TPMT: variants seen among roughly 807,000 people sequenced by gnomAD.
TPMT encodes thiopurine S-methyltransferase.
In TPMT, 18 loss-of-function variants were observed where a neutral mutation model predicts 34.2. The observed-to-expected ratio is 0.53, with a 90% CI of 0.36 to 0.78. The LOEUF is 0.78. Among genes scored for constraint, TPMT ranks in the 30% least tolerant of loss-of-function variants. The pLI is 0.00. For synonymous variants in TPMT, 69 were observed against 92.4 expected (o/e 0.75, Z 1.45); for missense variants, 265 against 288.1 (o/e 0.92, Z 0.58).
Position 18,143,502 on chromosome 6 carries a change from C to T in TPMT, c.366+94G>A, listed in dbSNP as rs1296321656. The stretch of plus-strand genomic sequence containing the variant: ...GTGAATCTGCGTGCTAAATAGGAAC[C>T]ATCGGACACATGAATGGTATCCTCA... On this transcript the variant is annotated intron_variant, in intron 4 of 8. Coordinates refer to ENST00000309983, the MANE Select transcript of TPMT (RefSeq NM_000367.5). The surrounding 1 kb of genome is among the most constrained non-coding windows in gnomAD (Gnocchi z 6.1). 8 of 1,519,098 alleles carry T rather than the reference C, an allele frequency of 5.3e-6. No individual in the cohort carries two copies. In the South Asian group the frequency reaches 7.9e-5, roughly 15 times the overall value. The allele number at this position is 1,519,098 out of a possible 1,614,324, so 94.1% of individuals were successfully genotyped here. A position where few individuals can be genotyped will look rare whatever the true frequency, so the allele number is the denominator to read the frequency against.
rs910711788 is a variant in TPMT, at chr6:18,143,987, G to T, written c.234-259C>A. 3.9e-5 allele frequency among the ~76,000 whole-genome samples: 6 copies of T among 152,150 alleles called. No homozygotes were observed. Among genetic ancestry groups the T allele is most frequent in the African/African-American group, 1.4e-4 (6 of 41,434 alleles). The stretch of plus-strand genomic sequence containing the variant: ...TATATCTTTTTTTATGTATGAAACA[G>T]TTGGAATGTAATTATAGATATATAA... On this transcript the variant is annotated intron_variant, in intron 3 of 8. Transcript: ENST00000309983. The surrounding 1 kb of genome is among the most constrained non-coding windows in gnomAD (Gnocchi z 6.1).
rs543107553 is a variant in TPMT, at chr6:18,136,914, C to T, written c.494+2049G>A. On this transcript the variant is annotated intron_variant, in intron 6 of 8. Coordinates refer to ENST00000309983, the MANE Select transcript of TPMT (RefSeq NM_000367.5). The surrounding 1 kb of genome is among the most constrained non-coding windows in gnomAD (Gnocchi z 4.7). ...GAGCATAAGGCTGAGGATGGTGGTC[C>T]CTTGGGGAATCACGACTTTTAGGCA... Among the ~76,000 whole-genome samples, 8 of 152,000 alleles carry T rather than the reference C, an allele frequency of 5.3e-5. No individual in the cohort carries two copies. Among genetic ancestry groups the T allele is most frequent in the African/African-American group, 1.9e-4 (8 of 41,446 alleles).
rs917134781 is a variant in TPMT, at chr6:18,136,946, GA to G, written c.494+2016del. Among the ~76,000 whole-genome samples, 1 of 152,188 alleles carries G rather than the reference GA, an allele frequency of 6.6e-6. No homozygotes were observed. Among genetic ancestry groups the G allele is most frequent in the Non-Finnish European group, 1.5e-5 (1 of 68,046 alleles). ...GAATCACGACTTTTAGGCATGCAAGGAGGATGGGAGTTCTGGAAAAGAGATA... is the reference window on the plus strand; with the variant it reads ...GAATCACGACTTTTAGGCATGCAAGGGGATGGGAGTTCTGGAAAAGAGATA... On this transcript the variant is annotated intron_variant, in intron 6 of 8. Coordinates refer to ENST00000309983, the MANE Select transcript of TPMT (RefSeq NM_000367.5). This position sits in a 1 kb window ranked among gnomAD's most constrained non-coding sequence, Gnocchi z 4.7.
rs530958085 is a variant in TPMT at position 18,130,577 on chromosome 6, T to A, written c.*91A>T. 6 of 876,112 alleles carry A rather than the reference T, an allele frequency of 6.8e-6. No homozygotes were observed. In the East Asian group the frequency reaches 1.0e-4, roughly 15 times the overall value. The allele number at this position is 876,112 out of a possible 1,614,324, so 54.3% of individuals were successfully genotyped here. A position where few individuals can be genotyped will look rare whatever the true frequency, so the allele number is the denominator to read the frequency against. ...CTATCATATGATTTATAAACAATTT[T>A]AAAAATTCATCCATTACATTTTCAG... On this transcript the variant is annotated 3_prime_UTR_variant, in exon 9 of 9. Coordinates refer to ENST00000309983, the MANE Select transcript of TPMT (RefSeq NM_000367.5). The surrounding 1 kb of genome is among the most constrained non-coding windows in gnomAD (Gnocchi z 4.2).
rs1236480489 is a variant in TPMT, at chr6:18,145,686, A to T, written c.234-1958T>A. Among the ~76,000 whole-genome samples, 18 of 152,260 alleles carry T rather than the reference A, an allele frequency of 1.2e-4. No individual in the cohort carries two copies. The highest frequency in any genetic ancestry group is 1.2e-3 in the Admixed American group (18 of 15,288). On this transcript the variant is annotated intron_variant, in intron 3 of 8. Transcript: ENST00000309983. The surrounding 1 kb of genome is among the most constrained non-coding windows in gnomAD (Gnocchi z 5.6). ...TATTTCTTAGGATATCTGTAAACAT[A>T]CAGGGAGTTTAAAAATTCTCCCTAC...
At position 18,132,121 on chromosome 6, in the gene TPMT, C is replaced by CCACA. The variant is rs756889226; in HGVS notation, c.625+8_625+11dup. ...TTGTTTAAAAAGTTACAGCATAAGT[C>CCACA]CACAAACTTACCAAACAACCTTTCA... On this transcript the variant is annotated intron_variant, in intron 8 of 8. Transcript: ENST00000309983. This position sits in a 1 kb window ranked among gnomAD's most constrained non-coding sequence, Gnocchi z 4.8. 5.6e-6 allele frequency: 9 copies of CCACA among 1,613,900 alleles called. No individual in the cohort carries two copies. The South Asian group carries it at 9.9e-5, about 18-fold the overall frequency.
chr6:18,139,538 A>C lies in TPMT; in HGVS notation c.419+127T>G. 1.3e-6 allele frequency: 1 copy of C among 795,934 alleles called. No homozygotes were observed. The allele number at this position is 795,934 out of a possible 1,614,324, so 49.3% of individuals were successfully genotyped here. A position where few individuals can be genotyped will look rare whatever the true frequency, so the allele number is the denominator to read the frequency against. ...TAATAAAAATATCTGCAGAACAGAC[A>C]TTCAAAAAAATGCTTTGTGGATGTT... On this transcript the variant is annotated intron_variant, in intron 5 of 8. Transcript: ENST00000309983. The surrounding 1 kb of genome is among the most constrained non-coding windows in gnomAD (Gnocchi z 4.2).
In TPMT at chr6:18,155,003, C is replaced by T. The variant is rs1433620003; in HGVS notation, c.-45+30G>A. The T allele has an allele frequency of 6.6e-6, 1 of 152,514 alleles. No individual in the cohort carries two copies. The highest frequency in any genetic ancestry group is 2.4e-5 in the African/African-American group (1 of 41,460). 9.4% of individuals were successfully genotyped at this position (152,514 alleles called of 1,614,324 possible). A position where few individuals can be genotyped will look rare whatever the true frequency, so the allele number is the denominator to read the frequency against. ...TCCTAGCAAATCGTTCCCTTTCTCA[C>T]CCGCACCCTCCGCGCCCGAGTGAGC... On this transcript the variant is annotated intron_variant, in intron 1 of 8. Transcript: ENST00000309983. This position sits in a 1 kb window ranked among gnomAD's most constrained non-coding sequence, Gnocchi z 6.2.
chr6:18,149,086 C>T lies in TPMT; in HGVS notation c.42G>A (p.Ser14=), dbSNP rs111674665. The part of the protein sequence containing the change: ...TRTSLDIEEY[S]DTEVQKNQVL... ...CTTGGTTTTTCTGTACCTCAGTATCCGAGTACTCTTCAATGTCAAGTGAAG... is the reference window on the plus strand; with the variant it reads ...CTTGGTTTTTCTGTACCTCAGTATCTGAGTACTCTTCAATGTCAAGTGAAG... The change falls in exon 2 of 9, where the codon TCG becomes TCA. Residue 14 remains serine, a synonymous_variant. Transcript: ENST00000309983. This position sits in a 1 kb window ranked among gnomAD's most constrained non-coding sequence, Gnocchi z 5.0. The T allele has an allele frequency of 3.5e-5, 57 of 1,614,030 alleles. No homozygotes were observed. In the African/African-American group the frequency reaches 4.1e-4, roughly 12 times the overall value.
rs1418028005 is a variant in TPMT, at chr6:18,149,762, G to A, written c.-44-591C>T. Among the ~76,000 whole-genome samples, 3 of 152,130 alleles carry A rather than the reference G, an allele frequency of 2.0e-5. No individual in the cohort carries two copies. The highest frequency in any genetic ancestry group is 7.2e-5 in the African/African-American group (3 of 41,426). The stretch of plus-strand genomic sequence containing the variant: ...TTACAAGTGTGAGTCACTGCACCTT[G>A]CCATTTCAACATCCAATAAGAAGTG... On this transcript the variant is annotated intron_variant, in intron 1 of 8. Coordinates refer to ENST00000309983, the MANE Select transcript of TPMT (RefSeq NM_000367.5). The surrounding 1 kb of genome is among the most constrained non-coding windows in gnomAD (Gnocchi z 5.0).
rs189810658 is a variant in TPMT at position 18,128,903 on chromosome 6, G to C, written c.*1765C>G. ...CCTGGCTAATTTTTTTGTATTTTTAGTAGAGACGGGGTTGCTTTTCTATTC... is the reference window on the plus strand; with the variant it reads ...CCTGGCTAATTTTTTTGTATTTTTACTAGAGACGGGGTTGCTTTTCTATTC... On this transcript the variant is annotated 3_prime_UTR_variant, in exon 9 of 9. Coordinates refer to ENST00000309983, the MANE Select transcript of TPMT (RefSeq NM_000367.5). This position sits in a 1 kb window ranked among gnomAD's most constrained non-coding sequence, Gnocchi z 4.6. 1 of 152,346 alleles carries C rather than the reference G, an allele frequency of 6.6e-6. No individual in the cohort carries two copies. The highest frequency in any genetic ancestry group is 1.9e-4 in the East Asian group (1 of 5,170). 9.4% of individuals were successfully genotyped at this position (152,346 alleles called of 1,614,324 possible). A position where few individuals can be genotyped will look rare whatever the true frequency, so the allele number is the denominator to read the frequency against.
In TPMT at chr6:18,154,616, T is replaced by C. The variant is rs1409871498; in HGVS notation, c.-45+417A>G. Among the ~76,000 whole-genome samples the C allele has an allele frequency of 6.6e-6, 1 of 151,764 alleles. No individual in the cohort carries two copies. Among genetic ancestry groups the C allele is most frequent in the African/African-American group, 2.4e-5 (1 of 41,276 alleles). ...AGAGTCCGTTTCTATAAAAAAAAAT[T>C]TGAAAAATTAGCCAAGCGTGGTGCA... On this transcript the variant is annotated intron_variant, in intron 1 of 8. Coordinates refer to ENST00000309983, the MANE Select transcript of TPMT (RefSeq NM_000367.5). The surrounding 1 kb of genome is among the most constrained non-coding windows in gnomAD (Gnocchi z 4.2).
At chr6:18,133,703 T>C (rs185384302) in intron 7 of TPMT, 101 bp downstream of exon 7, 7 of 876,036 alleles carry the variant, frequency 8.0e-6, no homozygotes, top group Middle Eastern at 2.2e-4. Context: ...ATGCTTCCTA[T>C]GAGATAAATT....
At position 18,145,514 on chromosome 6, in the gene TPMT, A is replaced by G. The variant is rs1784232693; in HGVS notation, c.234-1786T>C. On this transcript the variant is annotated intron_variant, in intron 3 of 8. Transcript: ENST00000309983. This position sits in a 1 kb window ranked among gnomAD's most constrained non-coding sequence, Gnocchi z 5.6. ...TCATGCTCAAATTTTTCCCTAATAT[A>G]TCAATTGAGTTAGAATTCAGTTTTG... Among the ~76,000 whole-genome samples the G allele has an allele frequency of 6.6e-6, 1 of 152,200 alleles. No homozygotes were observed. Among genetic ancestry groups the G allele is most frequent in the Admixed American group, 6.5e-5 (1 of 15,276 alleles).
Position 18,136,955 on chromosome 6 carries a change from A to C in TPMT, c.494+2008T>G, listed in dbSNP as rs1370522987. Among the ~76,000 whole-genome samples the C allele has an allele frequency of 1.3e-5, 2 of 152,136 alleles. No homozygotes were observed. The highest frequency in any genetic ancestry group is 1.3e-4 in the Admixed American group (2 of 15,270). ...CTTTTAGGCATGCAAGGAGGATGGG[A>C]GTTCTGGAAAAGAGATAAAGGAGGA... is the stretch of plus-strand genomic sequence containing the variant. On this transcript the variant is annotated intron_variant, in intron 6 of 8. Transcript: ENST00000309983. This position sits in a 1 kb window ranked among gnomAD's most constrained non-coding sequence, Gnocchi z 4.7.
rs1053421565 is a variant in TPMT at position 18,153,719 on chromosome 6, C to T, written c.-45+1314G>A. Among the ~76,000 whole-genome samples, 7 of 151,874 alleles carry T rather than the reference C, an allele frequency of 4.6e-5. No homozygotes were observed. Among genetic ancestry groups the T allele is most frequent in the Admixed American group, 1.3e-4 (2 of 15,262 alleles). Reference sequence around the variant, plus strand: ...GAAAGTATCTGATTTATATTGGGTACAGAAAAGCAAAAGAATGTTGCAGTT... The same window carrying T: ...GAAAGTATCTGATTTATATTGGGTATAGAAAAGCAAAAGAATGTTGCAGTT... On this transcript the variant is annotated intron_variant, in intron 1 of 8. Coordinates refer to ENST00000309983, the MANE Select transcript of TPMT (RefSeq NM_000367.5). This position sits in a 1 kb window ranked among gnomAD's most constrained non-coding sequence, Gnocchi z 4.2.
intron 6 of TPMT, among the ~76,000 whole-genome samples, chr6:18,137,047 T>C (rs2842954): frequency 6.6e-6 from 1 of 152,088 alleles, no homozygotes; most frequent in South Asian, 2.1e-4. Context: ...TTTAAAAAGA[T>C]TAGGTTTGGC....
intron 1 of TPMT, among the ~76,000 whole-genome samples, chr6:18,152,904 G>T (rs1784381509): frequency 1.3e-5 from 2 of 152,128 alleles, no homozygotes; most frequent in Non-Finnish European, 1.5e-5. Flanking sequence ...ACCACAGAAT[G>T]GTTCTGGCCA....
chr6:18,146,041 GGTCA>G lies in TPMT; in HGVS notation c.233+1778_233+1781del, dbSNP rs774963526. On this transcript the variant is annotated intron_variant, in intron 3 of 8. Coordinates refer to ENST00000309983, the MANE Select transcript of TPMT (RefSeq NM_000367.5). The surrounding 1 kb of genome is among the most constrained non-coding windows in gnomAD (Gnocchi z 6.2). ...TTAATGCTTTTTGGCCTTAGCTCAT[GGTCA>G]GTTTTTCTATTCACATCTCATGTCT... 4.0e-5 allele frequency among the ~76,000 whole-genome samples: 6 copies of G among 151,860 alleles called. No homozygotes were observed. Among genetic ancestry groups the G allele is most frequent in the Non-Finnish European group, 7.4e-5 (5 of 67,978 alleles).
Sources: allele counts gnomAD v4.1 joint callset (sites outside exome capture counted in the v4.1 genomes callset), GRCh38; gene constraint gnomAD v4.1.1; non-coding constraint Gnocchi (gnomAD v3.1); transcripts MANE v1.5; gene names NCBI Gene and HGNC (gene_info 2026-07-23, HGNC 2026-07-21).